Variants in ANTXR2 observed in about 807,000 individuals in gnomAD.
ANTXR2 encodes the protein anthrax toxin receptor 2.
Under a neutral mutation model 73.7 loss-of-function variants are expected in ANTXR2, and 44 were observed. The ratio of observed to expected loss-of-function variants is 0.60; its 90% CI spans 0.47 to 0.77. The LOEUF (loss-of-function observed/expected upper bound fraction) is 0.77. Among genes scored for constraint, ANTXR2 ranks in the 30% least tolerant of loss-of-function variants. ANTXR2 has a pLI of 0.00. For synonymous variants in ANTXR2, 217 were observed against 205.9 expected (o/e 1.05, Z -0.46); for missense variants, 604 against 592.5 (o/e 1.02, Z -0.20).
chr4:80,006,288 C>T (rs1034008637), intron 12 of ANTXR2, among the ~76,000 whole-genome samples: 3 of 151,716 alleles, frequency 2.0e-5, no homozygotes, highest in African/African-American at 7.3e-5. Flanking sequence ...TTTTGTATCC[C>T]CAGTTCCTAG....
intron 16 of ANTXR2, among the ~76,000 whole-genome samples, chr4:79,928,479 T>C (rs896425516): frequency 5.3e-5 from 8 of 152,216 alleles, no homozygotes; most frequent in Non-Finnish European, 1.2e-4. Context: ...CTGAATCGTA[T>C]ATTTAAAAAT....
chr4:79,925,041 G>A (rs1054228301), intron 16 of ANTXR2, among the ~76,000 whole-genome samples: 16 of 152,006 alleles, frequency 1.1e-4, no homozygotes, highest in African/African-American at 1.9e-4. Flanking sequence ...GTGAAAGATC[G>A]GTCATTCTAA....
intron 16 of ANTXR2, among the ~76,000 whole-genome samples, chr4:79,926,919 G>GTATATATACACATGTGCATATATGTT (rs1727814034): frequency 6.8e-5 from 6 of 88,234 alleles, no homozygotes. Context: ...GCATATATGT[G>GTATATATACACATGTGCATATATGTT]TATATATACA....
intron 9 of ANTXR2, among the ~76,000 whole-genome samples, chr4:80,033,017 A>G (rs1178354648): frequency 6.6e-6 from 1 of 151,916 alleles, no homozygotes; most frequent in Non-Finnish European, 1.5e-5. Flanking sequence ...AAAAGAAAGA[A>G]AAAAAGGAAC....
chr4:79,910,532 GA>G (rs10718867), intron 16 of ANTXR2, among the ~76,000 whole-genome samples: 33,583 of 137,420 alleles, frequency 0.24, 4,576 homozygotes, highest in East Asian at 0.68. Flanking sequence ...AGAAAAAAAA[GA>G]AAAAAAAAAA....
chr4:79,909,683 T>C (rs1727049351), intron 16 of ANTXR2, among the ~76,000 whole-genome samples: 1 of 151,504 alleles, frequency 6.6e-6, no homozygotes, highest in Non-Finnish European at 1.5e-5. Flanking sequence ...TTAAATGCAA[T>C]ATACACCTAT....
chr4:79,979,961 C>G (rs1729813988), intron 14 of ANTXR2, among the ~76,000 whole-genome samples: 1 of 152,012 alleles, frequency 6.6e-6, no homozygotes, highest in Non-Finnish European at 1.5e-5. Flanking sequence ...AAATGATAGG[C>G]TTTAGAATAG....
chr4:80,001,332 A>G, intron 12 of ANTXR2, among the ~76,000 whole-genome samples: 1 of 112,156 alleles, frequency 8.9e-6, no homozygotes, highest in South Asian at 3.3e-4. Flanking sequence ...CCACCCCACA[A>G]CAGTCCCCAG....
At chr4:79,917,518 T>TAAGGGGA (rs1468348304) in intron 16 of ANTXR2, among the ~76,000 whole-genome samples, 2 of 152,074 alleles carry the variant, frequency 1.3e-5, no homozygotes, top group Non-Finnish European at 2.9e-5. Context: ...TTTGGCCAGT[T>TAAGGGGA]AAGGGGACTG....
chr4:80,010,677 C>T (rs1463017685), intron 11 of ANTXR2, among the ~76,000 whole-genome samples: 1 of 152,120 alleles, frequency 6.6e-6, no homozygotes, highest in Non-Finnish European at 1.5e-5. Context: ...CAGAAAATTG[C>T]ACTGACAGAA....
At chr4:80,046,697 G>T (rs1454136867) in intron 7 of ANTXR2, among the ~76,000 whole-genome samples, 3 of 151,562 alleles carry the variant, frequency 2.0e-5, no homozygotes, top group Non-Finnish European at 4.4e-5. Context: ...AACAATAATA[G>T]AAAAAATATC....
At chr4:80,057,760 T>C (rs1734064084) in intron 3 of ANTXR2, among the ~76,000 whole-genome samples, 1 of 152,038 alleles carries the variant, frequency 6.6e-6, no homozygotes, top group Admixed American at 6.6e-5. Flanking sequence ...TAATTTAATT[T>C]AAATATTCAC....
At chr4:79,919,554 A>G (rs1435851459) in intron 16 of ANTXR2, among the ~76,000 whole-genome samples, 6 of 151,986 alleles carry the variant, frequency 3.9e-5, no homozygotes, top group Non-Finnish European at 8.8e-5. Context: ...ACATGGAAAG[A>G]CTAGTCTGGC....
intron 10 of ANTXR2, among the ~76,000 whole-genome samples, chr4:80,022,763 A>G (rs72655021): frequency 0.16 from 24,464 of 152,096 alleles, 2,973 homozygotes; most frequent in African/African-American, 0.35. Context: ...GAAGCAAGAG[A>G]GCAGTTCATT....
At chr4:80,036,927 T>C (rs545261126) in intron 7 of ANTXR2, among the ~76,000 whole-genome samples, 5 of 152,254 alleles carry the variant, frequency 3.3e-5, no homozygotes, top group African/African-American at 4.8e-5. Context: ...TTGCAGAACA[T>C]AGACTCCTTA....
At chr4:80,014,182 A>G (rs1456919433) in intron 11 of ANTXR2, among the ~76,000 whole-genome samples, 1 of 151,776 alleles carries the variant, frequency 6.6e-6, no homozygotes, top group Non-Finnish European at 1.5e-5. Flanking sequence ...AGCCTTACCT[A>G]TTTCTTCTGC....
intron 7 of ANTXR2, among the ~76,000 whole-genome samples, chr4:80,047,088 C>G (rs1171889570): frequency 6.6e-6 from 1 of 151,690 alleles, no homozygotes; most frequent in South Asian, 2.1e-4. Context: ...TTCATTTTAT[C>G]TGTGTAACCA....
rs1273223705 is a variant in ANTXR2 at position 80,055,140 on chromosome 4, T to G, written c.555+10A>C. On this transcript the variant is annotated intron_variant, in intron 6 of 16. Transcript: ENST00000403729. ...TTCAGATTAAAGTTTGCAGATCTCT[T>G]GTAACTTACCTGTGCTTGTTCAAAA... 6.4e-7 allele frequency: 1 copy of G among 1,551,946 alleles called. No individual in the cohort carries two copies. The highest frequency in any genetic ancestry group is 2.4e-5 in the East Asian group (1 of 41,508).
At position 79,906,079 on chromosome 4, in the gene ANTXR2, G is replaced by A. The variant is rs1481588468; in HGVS notation, c.*1350C>T. The A allele has an allele frequency of 6.6e-6, 1 of 152,568 alleles. No homozygotes were observed. Among genetic ancestry groups the A allele is most frequent in the East Asian group, 1.9e-4 (1 of 5,188 alleles). The allele number at this position is 152,568 out of a possible 1,614,324, so 9.5% of individuals were successfully genotyped here. A position where few individuals can be genotyped will look rare whatever the true frequency, so the allele number is the denominator to read the frequency against. The stretch of plus-strand genomic sequence containing the variant: ...TATCGAAAGTGACTAGATCATTTGA[G>A]CTTTTTTCTTCAGCTGCTGCCTTCC... On this transcript the variant is annotated 3_prime_UTR_variant, in exon 17 of 17. Transcript: ENST00000403729.
Sources: gnomAD v4.1 joint callset for allele counts (sites outside exome capture counted in the v4.1 genomes callset) on GRCh38, gnomAD v4.1.1 for gene constraint, MANE v1.5 for transcripts, NCBI Gene and HGNC (gene_info 2026-07-23, HGNC 2026-07-21) for gene names.